Variants in BANK1 observed in about 807,000 individuals in gnomAD.
BANK1 encodes the protein B-cell scaffold protein with ankyrin repeats.
BANK1 carries 95 observed loss-of-function variants against 94.5 expected under a neutral mutation model. The observed-to-expected ratio is 1.00, with a 90% CI of 0.85 to 1.19. BANK1 has a LOEUF of 1.19. Among genes scored for constraint, BANK1 ranks in the 50% most tolerant of loss-of-function variants. BANK1 has a pLI of 0.00. For missense variants in BANK1, 987 were observed against 932.2 expected, an observed-to-expected ratio of 1.06 and a Z score of -0.77; for synonymous variants, 334 against 308.4, an observed-to-expected ratio of 1.08 and a Z score of -0.87.
intron 7 of BANK1, among the ~76,000 whole-genome samples, chr4:101,980,713 A>G (rs1473488993): frequency 6.6e-6 from 1 of 152,066 alleles, no homozygotes; most frequent in African/African-American, 2.4e-5. Flanking sequence ...TCTCCAAAGA[A>G]ACAGTATGTC....
intron 10 of BANK1, among the ~76,000 whole-genome samples, chr4:102,038,361 C>T (rs1727590451): frequency 6.6e-6 from 1 of 152,106 alleles, no homozygotes; most frequent in Non-Finnish European, 1.5e-5. Context: ...CCATTGGCTG[C>T]CCAAACTACT....
At chr4:101,885,128 G>T (rs1460676383) in intron 5 of BANK1, among the ~76,000 whole-genome samples, 1 of 152,208 alleles carries the variant, frequency 6.6e-6, no homozygotes, top group Non-Finnish European at 1.5e-5. Context: ...ATGTTGGCAG[G>T]CTAGTCTGGA....
intron 10 of BANK1, among the ~76,000 whole-genome samples, chr4:102,031,041 T>C (rs1384869898): frequency 6.6e-6 from 1 of 152,232 alleles, no homozygotes; most frequent in Non-Finnish European, 1.5e-5. Flanking sequence ...ATTGAACTAA[T>C]TTACACTCCC....
chr4:101,854,500 T>C (rs1202749630), intron 2 of BANK1, among the ~76,000 whole-genome samples: 2 of 152,182 alleles, frequency 1.3e-5, no homozygotes, highest in Admixed American at 6.5e-5. Context: ...TTCCATAGAA[T>C]GCATTAACAT....
At chr4:101,924,873 C>A (rs945853615) in intron 7 of BANK1, among the ~76,000 whole-genome samples, 2 of 151,716 alleles carry the variant, frequency 1.3e-5, no homozygotes, top group African/African-American at 4.8e-5. Context: ...AAACAGGAGA[C>A]ACACATTTTT....
At chr4:102,066,081 C>A (rs11729100) in intron 13 of BANK1, among the ~76,000 whole-genome samples, 90,311 of 151,876 alleles carry the variant, frequency 0.59, 27,143 homozygotes, top group East Asian at 0.65. Context: ...AAAAACCAAA[C>A]TTAGCATAAC....
At chr4:101,964,636 CA>C (rs1724684113) in intron 7 of BANK1, among the ~76,000 whole-genome samples, 1 of 152,004 alleles carries the variant, frequency 6.6e-6, no homozygotes, top group Non-Finnish European at 1.5e-5. Context: ...TCATTTTTCA[CA>C]AAGGCTCCTT....
At chr4:101,832,557 C>G (rs1726661520) in intron 2 of BANK1, among the ~76,000 whole-genome samples, 1 of 152,082 alleles carries the variant, frequency 6.6e-6, no homozygotes, top group Non-Finnish European at 1.5e-5. Flanking sequence ...TCATGAGTTT[C>G]TCTTTCTCTG....
intron 6 of BANK1, among the ~76,000 whole-genome samples, chr4:101,909,305 C>T (rs1442599947): frequency 6.6e-6 from 1 of 152,120 alleles, no homozygotes; most frequent in Non-Finnish European, 1.5e-5. Flanking sequence ...AAAAACCAAA[C>T]ACTGCACGTT....
At chr4:101,895,437 ATTC>A in intron 6 of BANK1, 27 bp downstream of exon 6, 1 of 1,337,702 alleles carries the variant, frequency 7.5e-7, no homozygotes, top group African/African-American at 1.5e-5. Context: ...TGCATCAATT[ATTC>A]TTTTTATCAC....
intron 2 of BANK1, among the ~76,000 whole-genome samples, chr4:101,845,115 C>T (rs561063386): frequency 5.9e-5 from 9 of 152,072 alleles, no homozygotes; most frequent in South Asian, 4.1e-4. Context: ...AATCATTTTA[C>T]CTAGTCATAT....
intron 7 of BANK1, among the ~76,000 whole-genome samples, chr4:101,968,802 C>A (rs1469080398): frequency 6.6e-6 from 1 of 151,918 alleles, no homozygotes; most frequent in African/African-American, 2.4e-5. Context: ...AGAGGGAAAT[C>A]CAAACAAATA....
chr4:101,853,075 A>AGG (rs983559737), intron 2 of BANK1, among the ~76,000 whole-genome samples: 7 of 152,244 alleles, frequency 4.6e-5, no homozygotes, highest in African/African-American at 1.7e-4. Context: ...GAAGAGAGAG[A>AGG]GAGAGAAAGA....
rs556250500 is a variant in BANK1, at chr4:101,800,917, C to T, written c.70+9967C>T. The stretch of plus-strand genomic sequence containing the variant: ...GGATTACAGGCGGCTGCCAACACAC[C>T]TGGCTAACTTTTGTATTTTTAGTAG... On this transcript the variant is annotated intron_variant, in intron 1 of 16. Coordinates refer to ENST00000322953, the MANE Select transcript of BANK1 (RefSeq NM_017935.5). 2.6e-5 allele frequency among the ~76,000 whole-genome samples: 4 copies of T among 152,276 alleles called. No individual in the cohort carries two copies. In the South Asian group the frequency reaches 6.2e-4, roughly 24 times the overall value.
At chr4:101,857,720 C>T (rs1727727811) in intron 3 of BANK1, among the ~76,000 whole-genome samples, 1 of 152,070 alleles carries the variant, frequency 6.6e-6, no homozygotes, top group African/African-American at 2.4e-5. Context: ...CTTTTTTTCC[C>T]CATGCACTAG....
chr4:101,852,305 A>G (rs1560601614), intron 2 of BANK1, among the ~76,000 whole-genome samples: 1 of 151,390 alleles, frequency 6.6e-6, no homozygotes, highest in Non-Finnish European at 1.5e-5. Flanking sequence ...TTAAATATAC[A>G]TACATAATTT....
intron 5 of BANK1, among the ~76,000 whole-genome samples, chr4:101,889,609 A>AC (rs1381713227): frequency 6.7e-6 from 1 of 149,680 alleles, no homozygotes; most frequent in Non-Finnish European, 1.5e-5. Context: ...CGTCTCAAAA[A>AC]AAAAAAAAAA....
chr4:101,792,499 TCTCTCC>T lies in BANK1; in HGVS notation c.70+1550_70+1555del, dbSNP rs550219675. Among the ~76,000 whole-genome samples, 543 of 149,650 alleles carry T rather than the reference TCTCTCC, an allele frequency of 3.6e-3. 5 individuals carry two copies. Among genetic ancestry groups the T allele is most frequent in the African/African-American group, 0.013 (513 of 40,808 alleles). On this transcript the variant is annotated intron_variant, in intron 1 of 16. Coordinates refer to ENST00000322953, the MANE Select transcript of BANK1 (RefSeq NM_017935.5). ...TTTTTTTTTAATGAAGAGCTCCCTCTCTCTCCAACAACTATCTTAATATGGCACATT... is the reference window on the plus strand; with the variant it reads ...TTTTTTTTTAATGAAGAGCTCCCTCTAACAACTATCTTAATATGGCACATT...
intron 7 of BANK1, among the ~76,000 whole-genome samples, chr4:101,950,018 GGTGTGTGTGTGTGTGT>G (rs6148602): frequency 1.5e-3 from 231 of 149,390 alleles, no homozygotes; most frequent in African/African-American, 1.9e-3. Context: ...GGAAGTAAGG[GGTGTGTGTGTGTGTGT>G]GTGTGTGTGT....
Sources: gnomAD v4.1 joint callset for allele counts (sites outside exome capture counted in the v4.1 genomes callset) on GRCh38, gnomAD v4.1.1 for gene constraint, MANE v1.5 for transcripts, NCBI Gene and HGNC (gene_info 2026-07-23, HGNC 2026-07-21) for gene names.